The following NRXN1 variants were observed in gnomAD, a reference collection of about 807,000 sequenced individuals.
The protein encoded by NRXN1 is neurexin 1, also known as neurexin-1.
A neutral mutation model predicts 150.9 loss-of-function variants in NRXN1; 39 were observed. The ratio of observed to expected loss-of-function variants is 0.26; its 90% CI spans 0.20 to 0.34. The LOEUF is 0.34. Ranked by LOEUF, NRXN1 falls within the 10% of genes least tolerant of loss-of-function variation. The pLI is 1.00. For missense variants in NRXN1, 1,815 were observed against 1,949.9 expected, an observed-to-expected ratio of 0.93 and a Z score of 1.30; for synonymous variants, 924 against 757.0, an observed-to-expected ratio of 1.22 and a Z score of -3.62.
At chr2:50,538,662 A>C (rs894970259) in intron 9 of NRXN1, 26 bp from the exon 10 acceptor site, 1 of 1,436,010 alleles carries the variant, frequency 7.0e-7, no homozygotes, top group African/African-American at 1.4e-5. Context: ...GAGAATGCAC[A>C]GGTCTTTAAA....
intron 5 of NRXN1, among the ~76,000 whole-genome samples, chr2:50,822,469 T>G (rs1020834308): frequency 6.6e-6 from 1 of 152,114 alleles, no homozygotes; most frequent in Non-Finnish European, 1.5e-5. Flanking sequence ...TACACAAATA[T>G]ATTCCACTCT....
At chr2:50,376,046 T>TAC (rs72262969) in intron 17 of NRXN1, among the ~76,000 whole-genome samples, 18,485 of 148,636 alleles carry the variant, frequency 0.12, 2,011 homozygotes, top group East Asian at 0.33. Flanking sequence ...CATATATATA[T>TAC]ACACACACAC....
intron 18 of NRXN1, among the ~76,000 whole-genome samples, chr2:50,140,830 C>T (rs1368177987): frequency 1.3e-5 from 2 of 151,858 alleles, no homozygotes; most frequent in African/African-American, 4.8e-5. Context: ...AATTAATTTA[C>T]AATATCTGAT....
intron 21 of NRXN1, among the ~76,000 whole-genome samples, chr2:49,995,135 G>A (rs1248031920): frequency 1.3e-5 from 2 of 152,046 alleles, no homozygotes; most frequent in Non-Finnish European, 2.9e-5. Context: ...GATTGAAGAG[G>A]GTGGCAACAT....
chr2:50,557,065 A>T (rs780370778), intron 8 of NRXN1, among the ~76,000 whole-genome samples: 3 of 152,160 alleles, frequency 2.0e-5, no homozygotes, highest in Non-Finnish European at 2.9e-5. Flanking sequence ...TCCATTAGTA[A>T]AGAGAGTGTT....
At chr2:50,985,158 A>G (rs1227680095) in intron 2 of NRXN1, among the ~76,000 whole-genome samples, 2 of 152,044 alleles carry the variant, frequency 1.3e-5, no homozygotes, top group African/African-American at 4.8e-5. Context: ...AGATTACCAC[A>G]GACTAAAATT....
intron 15 of NRXN1, among the ~76,000 whole-genome samples, chr2:50,494,223 T>C (rs1247290081): frequency 6.6e-6 from 1 of 152,196 alleles, no homozygotes; most frequent in African/African-American, 2.4e-5. Context: ...CAACCAATTA[T>C]AAACTGCTTT....
chr2:50,071,769 T>C (rs1310954383), intron 19 of NRXN1, among the ~76,000 whole-genome samples: 3 of 152,240 alleles, frequency 2.0e-5, no homozygotes, highest in Non-Finnish European at 4.4e-5. Flanking sequence ...AGATCTTTCA[T>C]ATTAAGATGT....
chr2:49,942,625 T>TATTATTA lies in NRXN1; in HGVS notation c.4216+1078_4216+1079insTAATAAT, dbSNP rs1672198729. Among the ~76,000 whole-genome samples the TATTATTA allele has an allele frequency of 3.3e-5, 5 of 151,520 alleles. No individual in the cohort carries two copies. In the South Asian group the frequency reaches 1.0e-3, roughly 31 times the overall value. On this transcript the variant is annotated intron_variant, in intron 22 of 22. Coordinates refer to ENST00000401669, the MANE Select transcript of NRXN1 (RefSeq NM_001330078.2). ...ATTATTATTATTATTTTATTATTAT[T>TATTATTA]TTGAGACAAAATCCCACTCTGTCAC...
chr2:50,258,768 G>T (rs1398792778), intron 17 of NRXN1, among the ~76,000 whole-genome samples: 2 of 152,036 alleles, frequency 1.3e-5, no homozygotes, highest in Non-Finnish European at 2.9e-5. Context: ...AGGCTTGAAA[G>T]TTGAAATTAC....
chr2:49,973,298 T>G (rs773517570), intron 21 of NRXN1, among the ~76,000 whole-genome samples: 1 of 152,234 alleles, frequency 6.6e-6, no homozygotes, highest in Non-Finnish European at 1.5e-5. Context: ...ACACGCATTT[T>G]TTTCAGTAAG....
At chr2:50,233,661 C>G (rs2065163775) in intron 18 of NRXN1, among the ~76,000 whole-genome samples, 1 of 151,938 alleles carries the variant, frequency 6.6e-6, no homozygotes, top group African/African-American at 2.4e-5. Flanking sequence ...CACAAATTTT[C>G]CTTGAAGTTT....
chr2:50,029,549 A>C (rs1688876042), intron 21 of NRXN1, among the ~76,000 whole-genome samples: 1 of 152,134 alleles, frequency 6.6e-6, no homozygotes, highest in African/African-American at 2.4e-5. Flanking sequence ...CATGCTCTCC[A>C]TCCTACACGC....
At chr2:50,617,377 A>G (rs1267545060) in intron 8 of NRXN1, among the ~76,000 whole-genome samples, 1 of 151,966 alleles carries the variant, frequency 6.6e-6, no homozygotes, top group Non-Finnish European at 1.5e-5. Context: ...TGGAGGTTGC[A>G]GAGAGCTGAG....
At chr2:50,504,045 A>G (rs1163730982) in intron 13 of NRXN1, among the ~76,000 whole-genome samples, 5 of 151,578 alleles carry the variant, frequency 3.3e-5, no homozygotes, top group Non-Finnish European at 5.9e-5. Context: ...CAAAGCAGGA[A>G]GAGATTATAT....
intron 8 of NRXN1, among the ~76,000 whole-genome samples, chr2:50,590,090 A>G (rs1673886140): frequency 6.6e-6 from 1 of 152,252 alleles, no homozygotes; most frequent in Non-Finnish European, 1.5e-5. Flanking sequence ...GCATAGTAAA[A>G]TAAATGAAGA....
At chr2:50,358,446 A>G (rs2078972959) in intron 17 of NRXN1, among the ~76,000 whole-genome samples, 1 of 152,182 alleles carries the variant, frequency 6.6e-6, no homozygotes, top group Admixed American at 6.5e-5. Flanking sequence ...TCCCCTCACA[A>G]TGTAAACAAA....
At chr2:49,976,384 T>C (rs1329342760) in intron 21 of NRXN1, among the ~76,000 whole-genome samples, 1 of 152,082 alleles carries the variant, frequency 6.6e-6, no homozygotes, top group African/African-American at 2.4e-5. Flanking sequence ...AGTGGCCAAA[T>C]AGTGGCTACA....
At chr2:50,717,303 T>C (rs2105091018) in intron 5 of NRXN1, among the ~76,000 whole-genome samples, 1 of 152,276 alleles carries the variant, frequency 6.6e-6, no homozygotes, top group South Asian at 2.1e-4. Flanking sequence ...CAGAGGAAAG[T>C]CTAATAAGCC....
Sources: gnomAD v4.1 joint callset for allele counts (sites outside exome capture counted in the v4.1 genomes callset) on GRCh38, gnomAD v4.1.1 for gene constraint, MANE v1.5 for transcripts, NCBI Gene and HGNC (gene_info 2026-07-23, HGNC 2026-07-21) for gene names.